Variants in BBX observed in about 807,000 individuals in gnomAD.
BBX encodes HMG box transcription factor BBX.
Under a neutral mutation model 100.2 loss-of-function variants are expected in BBX, and 30 were observed. The ratio of observed to expected loss-of-function variants is 0.30; its 90% CI spans 0.22 to 0.41. The LOEUF (loss-of-function observed/expected upper bound fraction) is 0.41. BBX is among the 10% of genes least tolerant of loss of function. The pLI, the probability that BBX is intolerant of heterozygous loss-of-function variation, is 1.00. For synonymous variants in BBX, 376 were observed against 388.1 expected, an observed-to-expected ratio of 0.97 and a Z score of 0.37; for missense variants, 1,023 against 1,129.8, an observed-to-expected ratio of 0.91 and a Z score of 1.35.
chr3:107,572,817 A>T (rs1033873168), intron 2 of BBX, among the ~76,000 whole-genome samples: 1 of 152,198 alleles, frequency 6.6e-6, no homozygotes, highest in Non-Finnish European at 1.5e-5. Context: ...ATGAAGAGAT[A>T]TTGTTAAGTG....
chr3:107,699,788 G>A (rs2060909620), intron 3 of BBX, among the ~76,000 whole-genome samples: 1 of 145,732 alleles, frequency 6.9e-6, no homozygotes, highest in Admixed American at 6.8e-5. Flanking sequence ...ACAAGGGTAT[G>A]GTGGAGGCAG....
At chr3:107,651,897 C>G (rs1322849956) in intron 3 of BBX, among the ~76,000 whole-genome samples, 1 of 152,002 alleles carries the variant, frequency 6.6e-6, no homozygotes, top group Non-Finnish European at 1.5e-5. Flanking sequence ...CTTTTAGCAG[C>G]CTGTAGCCAT....
intron 3 of BBX, among the ~76,000 whole-genome samples, chr3:107,705,332 C>T (rs2061332690): frequency 6.6e-6 from 1 of 152,130 alleles, no homozygotes; most frequent in South Asian, 2.1e-4. Context: ...AGTGGAATTT[C>T]ATTGGACTTT....
chr3:107,626,527 T>C (rs1022394753), intron 2 of BBX, among the ~76,000 whole-genome samples: 1 of 152,202 alleles, frequency 6.6e-6, no homozygotes, highest in Non-Finnish European at 1.5e-5. Context: ...TTAGGCTCTA[T>C]TCATGGGAAG....
At chr3:107,574,963 A>G (rs1389790046) in intron 2 of BBX, among the ~76,000 whole-genome samples, 1 of 152,176 alleles carries the variant, frequency 6.6e-6, no homozygotes. Context: ...ATTGTTTCAG[A>G]CTTAAAAATA....
chr3:107,573,724 ATC>A (rs966059161), intron 2 of BBX, among the ~76,000 whole-genome samples: 9 of 152,064 alleles, frequency 5.9e-5, no homozygotes, highest in African/African-American at 1.7e-4. Context: ...CTAATTTAAA[ATC>A]TCTCTCTCTT....
At chr3:107,633,197 AAC>A (rs1166047503) in intron 2 of BBX, among the ~76,000 whole-genome samples, 2 of 152,148 alleles carry the variant, frequency 1.3e-5, no homozygotes, top group Non-Finnish European at 1.5e-5. Context: ...AATTTCAAAA[AAC>A]AGTTATATGA....
At chr3:107,731,739 A>G (rs2063328799) in intron 6 of BBX, among the ~76,000 whole-genome samples, 3 of 151,934 alleles carry the variant, frequency 2.0e-5, no homozygotes, top group Admixed American at 6.6e-5. Context: ...TCGATAACAT[A>G]TAGTCAAAGT....
At chr3:107,649,789 G>A (rs1356126624) in intron 3 of BBX, among the ~76,000 whole-genome samples, 2 of 152,162 alleles carry the variant, frequency 1.3e-5, no homozygotes, top group Non-Finnish European at 1.5e-5. Context: ...GAAAGAGTGA[G>A]TCCTGTAGAA....
chr3:107,764,534 T>C (rs987928370), intron 10 of BBX, among the ~76,000 whole-genome samples: 3 of 152,162 alleles, frequency 2.0e-5, no homozygotes, highest in African/African-American at 2.4e-5. Flanking sequence ...GAATAGACGA[T>C]AGGTATCAAA....
At chr3:107,605,651 T>C (rs1559865246) in intron 2 of BBX, among the ~76,000 whole-genome samples, 1 of 152,126 alleles carries the variant, frequency 6.6e-6, no homozygotes. Flanking sequence ...TAGAGTAATA[T>C]CGTTTTGTTC....
At chr3:107,778,927 A>T (rs1215649750) in intron 13 of BBX, among the ~76,000 whole-genome samples, 1 of 148,524 alleles carries the variant, frequency 6.7e-6, no homozygotes, top group East Asian at 2.0e-4. Flanking sequence ...TGATAAGCAG[A>T]TGCTAACTAC....
chr3:107,797,371 T>C lies in BBX; in HGVS notation c.2354-1152T>C, dbSNP rs2069827780. On this transcript the variant is annotated intron_variant, in intron 15 of 17. Coordinates refer to ENST00000325805, the MANE Select transcript of BBX (RefSeq NM_001142568.3). Reference sequence around the variant, plus strand: ...ATATATATATATATATATAGCTTTATTGCCAATATCTACCTTCAGATATGC... The same window carrying C: ...ATATATATATATATATATAGCTTTACTGCCAATATCTACCTTCAGATATGC... 1.5e-5 allele frequency among the ~76,000 whole-genome samples: 2 copies of C among 137,708 alleles called. 1 individual carries two copies. Among genetic ancestry groups the C allele is most frequent in the South Asian group, 4.6e-4 (2 of 4,352 alleles). The allele number at this position is 137,708 out of a possible 152,430, so 90.3% of individuals were successfully genotyped here.
At chr3:107,652,390 G>A (rs2057892299) in intron 3 of BBX, among the ~76,000 whole-genome samples, 1 of 102,510 alleles carries the variant, frequency 9.8e-6, no homozygotes, top group Non-Finnish European at 2.0e-5. Context: ...CAGTTTTTCT[G>A]TGTACTTATA....
chr3:107,742,468 A>G (rs2064194356), intron 7 of BBX, among the ~76,000 whole-genome samples: 1 of 152,118 alleles, frequency 6.6e-6, no homozygotes, highest in Admixed American at 6.6e-5. Context: ...CCACTATACT[A>G]TACTGAAGAT....
chr3:107,752,946 G>A lies in BBX; in HGVS notation c.826-2652G>A, dbSNP rs74983706. Among the ~76,000 whole-genome samples, 365 of 152,312 alleles carry A rather than the reference G, an allele frequency of 2.4e-3. 4 individuals are homozygous for A. The highest frequency in any genetic ancestry group is 8.4e-3 in the African/African-American group (349 of 41,568). ...TATATCTCTTAGGTAGAACAGCATG[G>A]GCAGGAGTGAACAGTAATATAACAA... On this transcript the variant is annotated intron_variant, in intron 9 of 17. Transcript: ENST00000325805.
Position 107,666,701 on chromosome 3 carries a change from A to G in BBX, c.-10+20792A>G, listed in dbSNP as rs187764866. ...ATTCTCCTGCCTCAGCCTCCTGAGT[A>G]GCTGGGGCTACAGGTGCGTGCCACC... On this transcript the variant is annotated intron_variant, in intron 3 of 17. Coordinates refer to ENST00000325805, the MANE Select transcript of BBX (RefSeq NM_001142568.3). 7.4e-3 allele frequency among the ~76,000 whole-genome samples: 1,130 copies of G among 152,248 alleles called. 7 individuals carry two copies. The highest frequency in any genetic ancestry group is 0.034 in the Middle Eastern group (10 of 294).
chr3:107,680,085 C>T (rs1559959253), intron 3 of BBX, among the ~76,000 whole-genome samples: 1 of 152,046 alleles, frequency 6.6e-6, no homozygotes, highest in Non-Finnish European at 1.5e-5. Context: ...CCTGCTGAGC[C>T]CATAAGTGTT....
At chr3:107,771,032 G>T (rs937295368) in intron 10 of BBX, among the ~76,000 whole-genome samples, 5 of 152,046 alleles carry the variant, frequency 3.3e-5, no homozygotes, top group Admixed American at 1.3e-4. Context: ...GCTTGATTTT[G>T]CATTGACTCA....
Sources: gnomAD v4.1 joint callset for allele counts (sites outside exome capture counted in the v4.1 genomes callset) on GRCh38, gnomAD v4.1.1 for gene constraint, MANE v1.5 for transcripts, NCBI Gene and HGNC (gene_info 2026-07-23, HGNC 2026-07-21) for gene names.